Variants in BMP2K observed in about 807,000 individuals in gnomAD.
BMP2K encodes BMP-2-inducible protein kinase.
A neutral mutation model predicts 116.0 loss-of-function variants in BMP2K; 74 were observed. The observed-to-expected ratio is 0.64, with a 90% CI of 0.53 to 0.77. The LOEUF (loss-of-function observed/expected upper bound fraction) is 0.77. BMP2K is among the 30% of genes least tolerant of loss of function. The pLI is 0.00. For synonymous variants in BMP2K, 486 were observed against 502.5 expected (o/e 0.97, Z 0.44); for missense variants, 1,365 against 1,403.6 (o/e 0.97, Z 0.44).
intron 15 of BMP2K, among the ~76,000 whole-genome samples, chr4:78,900,567 G>C (rs1044060087): frequency 1.2e-4 from 19 of 152,178 alleles, no homozygotes; most frequent in African/African-American, 4.6e-4. Flanking sequence ...AGGGAATTAA[G>C]GATAATTCAT....
chr4:78,808,418 A>G (rs926876474), intron 1 of BMP2K, among the ~76,000 whole-genome samples: 1 of 151,876 alleles, frequency 6.6e-6, no homozygotes, highest in African/African-American at 2.4e-5. Context: ...GGCACCTGCC[A>G]CCGCACCCGG....
intron 15 of BMP2K, among the ~76,000 whole-genome samples, chr4:78,893,233 T>C (rs2110082718): frequency 6.6e-6 from 1 of 152,350 alleles, no homozygotes; most frequent in Admixed American, 6.5e-5. Flanking sequence ...TGCTCAAGCA[T>C]AAGCAACTCC....
At chr4:78,801,343 G>GGTGT (rs1443804503) in intron 1 of BMP2K, among the ~76,000 whole-genome samples, 3 of 127,238 alleles carry the variant, frequency 2.4e-5, no homozygotes, top group Non-Finnish European at 4.9e-5. Flanking sequence ...GGTTGAAGTA[G>GGTGT]CTGTGTGTGT....
At chr4:78,842,585 G>A in intron 4 of BMP2K, 58 bp downstream of exon 4, 1 of 1,447,278 alleles carries the variant, frequency 6.9e-7, no homozygotes, top group East Asian at 2.4e-5. Flanking sequence ...AATGTTCTTG[G>A]AGTATTTTCA....
Position 78,872,662 on chromosome 4 carries a change from C to T in BMP2K, c.1657C>T (p.His553Tyr). 2 of 1,614,110 alleles carry T rather than the reference C, an allele frequency of 1.2e-6. No homozygotes were observed. The highest frequency in any genetic ancestry group is 1.7e-6 in the Non-Finnish European group (2 of 1,179,994). Residue 553 changes from histidine (H) to tyrosine (Y), a missense_variant, in exon 13 of 16, where the codon CAT (histidine) becomes TAT (tyrosine). Coordinates refer to ENST00000502613, the MANE Select transcript of BMP2K (RefSeq NM_198892.2). ...AFFQQQMLAQ[H>Y]QPSQQQASPE... is the part of the protein sequence containing the mutation. ...CTTTCAACAGCAGATGCTAGCTCAA[C>T]ATCAGCCGTCTCAACAACAGGCATC...
chr4:78,829,258 T>C (rs1039574327), intron 2 of BMP2K, among the ~76,000 whole-genome samples: 12 of 152,220 alleles, frequency 7.9e-5, no homozygotes, highest in Non-Finnish European at 1.5e-4. Context: ...TCCTTTGTTA[T>C]TATTTCAACA....
intron 6 of BMP2K, among the ~76,000 whole-genome samples, chr4:78,848,340 C>G (rs1182281162): frequency 2.0e-5 from 3 of 151,436 alleles, no homozygotes; most frequent in Non-Finnish European, 3.0e-5. Context: ...TTGCTTTCTG[C>G]AGCATTAACA....
intron 1 of BMP2K, among the ~76,000 whole-genome samples, chr4:78,799,720 T>C (rs1728475938): frequency 6.6e-6 from 1 of 152,216 alleles, no homozygotes; most frequent in South Asian, 2.1e-4. Flanking sequence ...TGCTTACTCA[T>C]GTGCTATGGT....
At chr4:78,864,615 TAC>T (rs927759536) in intron 9 of BMP2K, among the ~76,000 whole-genome samples, 4 of 152,040 alleles carry the variant, frequency 2.6e-5, no homozygotes, top group Admixed American at 1.3e-4. Context: ...CCTCTTGTGG[TAC>T]ACACAGATAT....
At chr4:78,803,965 G>C (rs1578480334) in intron 1 of BMP2K, among the ~76,000 whole-genome samples, 2 of 152,162 alleles carry the variant, frequency 1.3e-5, no homozygotes, top group African/African-American at 4.8e-5. Flanking sequence ...TTAAATTATT[G>C]AGACATAATT....
At chr4:78,812,630 G>T (rs1339951784) in intron 1 of BMP2K, among the ~76,000 whole-genome samples, 1 of 152,176 alleles carries the variant, frequency 6.6e-6, no homozygotes, top group African/African-American at 2.4e-5. Context: ...TCTAAACTCA[G>T]GGTTGTTTTC....
At chr4:78,858,154 AAT>A (rs1731594147) in intron 7 of BMP2K, among the ~76,000 whole-genome samples, 2 of 152,102 alleles carry the variant, frequency 1.3e-5, no homozygotes, top group South Asian at 4.1e-4. Context: ...TACGTTTGTG[AAT>A]TAGGTAGGTT....
chr4:78,865,102 A>C (rs889475652), intron 9 of BMP2K, among the ~76,000 whole-genome samples: 2 of 152,160 alleles, frequency 1.3e-5, no homozygotes, highest in Non-Finnish European at 2.9e-5. Context: ...ATTTTGTTTA[A>C]CGTGCCCTAG....
At chr4:78,800,291 G>T (rs1728505818) in intron 1 of BMP2K, among the ~76,000 whole-genome samples, 1 of 152,310 alleles carries the variant, frequency 6.6e-6, no homozygotes, top group African/African-American at 2.4e-5. Context: ...ACAGAAGGCT[G>T]TGTTTACTTG....
At chr4:78,796,212 TA>T (rs1233217405) in intron 1 of BMP2K, among the ~76,000 whole-genome samples, 1 of 152,002 alleles carries the variant, frequency 6.6e-6, no homozygotes, top group African/African-American at 2.4e-5. Flanking sequence ...TATGCAGCCA[TA>T]AAAAATGATG....
intron 1 of BMP2K, among the ~76,000 whole-genome samples, chr4:78,812,097 C>T (rs1729122610): frequency 6.6e-6 from 1 of 152,112 alleles, no homozygotes; most frequent in Non-Finnish European, 1.5e-5. Flanking sequence ...TCTCAGCCTC[C>T]TGAGTAGCCA....
chr4:78,837,944 T>C (rs1028934911), intron 3 of BMP2K, among the ~76,000 whole-genome samples: 1 of 152,192 alleles, frequency 6.6e-6, no homozygotes, highest in Non-Finnish European at 1.5e-5. Context: ...GGCCAGCTAA[T>C]GTTAGTTTTA....
chr4:78,893,383 G>A (rs1455511435), intron 15 of BMP2K, among the ~76,000 whole-genome samples: 1 of 152,142 alleles, frequency 6.6e-6, no homozygotes, highest in African/African-American at 2.4e-5. Context: ...TCATCCATGA[G>A]GGTTGGAGTC....
chr4:78,879,481 ACTAC>A, intron 14 of BMP2K: 1 of 911,848 alleles, frequency 1.1e-6, no homozygotes, highest in South Asian at 5.1e-5. Context: ...TTTTCTTTGA[ACTAC>A]CTAATATATG....
Sources: gnomAD v4.1 joint callset for allele counts (sites outside exome capture counted in the v4.1 genomes callset) on GRCh38, gnomAD v4.1.1 for gene constraint, MANE v1.5 for transcripts, NCBI Gene and HGNC (gene_info 2026-07-23, HGNC 2026-07-21) for gene names.